Variants in SLC17A9 observed in about 807,000 individuals in gnomAD.
SLC17A9 encodes voltage-gated purine nucleotide uniporter SLC17A9.
Under a neutral mutation model 55.0 loss-of-function variants are expected in SLC17A9, and 49 were observed. The ratio of observed to expected loss-of-function variants is 0.89; its 90% CI spans 0.71 to 1.13. The LOEUF is 1.13. Among genes scored for constraint, SLC17A9 ranks in the 50% most tolerant of loss-of-function variants. The probability of loss-of-function intolerance (pLI) is 0.00; values close to 1 mark genes in which losing one functional copy is unlikely to be tolerated. For missense variants in SLC17A9, 526 were observed against 569.3 expected (o/e 0.92, Z 0.77); for synonymous variants, 256 against 247.4 (o/e 1.03, Z -0.32).
intron 3 of SLC17A9, among the ~76,000 whole-genome samples, chr20:62,957,947 G>A (rs962448820): frequency 3.3e-5 from 5 of 152,246 alleles, no homozygotes; most frequent in Middle Eastern, 3.4e-3. Context: ...CTGCAGACAC[G>A]TGTATGCAAG....
chr20:62,960,663 G>T, intron 4 of SLC17A9, 60 bp downstream of exon 4: 1 of 1,518,856 alleles, frequency 6.6e-7, no homozygotes. Context: ...CTTGCCGAGT[G>T]GCCCCTGGTC....
chr20:62,953,339 C>CT lies in SLC17A9; in HGVS notation c.59+451dup, dbSNP rs1199990514. ...GGGGGGTCCTGCCACCACGTGCCAG[C>CT]TGTGTGCTGAGGACGAGCTCCCCGC... On this transcript the variant is annotated intron_variant, in intron 1 of 12. Transcript: ENST00000370351. 2.0e-6 allele frequency: 3 copies of CT among 1,510,192 alleles called. No individual in the cohort carries two copies. In the African/African-American group the frequency reaches 4.1e-5, roughly 21 times the overall value. The allele number at this position is 1,510,192 out of a possible 1,614,324, so 93.5% of individuals were successfully genotyped here. A position where few individuals can be genotyped will look rare whatever the true frequency, so the allele number is the denominator to read the frequency against.
intron 4 of SLC17A9, among the ~76,000 whole-genome samples, 183 bp downstream of exon 4, chr20:62,960,786 G>A (rs1009957927): frequency 5.9e-5 from 9 of 152,276 alleles, no homozygotes; most frequent in Non-Finnish European, 1.2e-4. Flanking sequence ...CCAGCCCCGG[G>A]CACCGCGCTT....
chr20:62,955,892 C>CTG (rs2065532955), intron 1 of SLC17A9, among the ~76,000 whole-genome samples: 1 of 152,208 alleles, frequency 6.6e-6, no homozygotes, highest in Non-Finnish European at 1.5e-5. Flanking sequence ...CCAGTTGTCC[C>CTG]CAGAGTGGAA....
intron 1 of SLC17A9, among the ~76,000 whole-genome samples, chr20:62,955,252 A>G (rs2065526932): frequency 6.7e-6 from 1 of 150,094 alleles, no homozygotes; most frequent in Non-Finnish European, 1.5e-5. Context: ...GGTTCAAGCG[A>G]TTCTCCTGCC....
At chr20:62,955,129 G>GC (rs1555858309) in intron 1 of SLC17A9, among the ~76,000 whole-genome samples, 40 of 149,902 alleles carry the variant, frequency 2.7e-4, no homozygotes, top group African/African-American at 8.1e-4. Flanking sequence ...GCTAATTGTT[G>GC]TTTTTTTTTC....
At position 62,952,842 on chromosome 20, in the gene SLC17A9, C is replaced by T; in HGVS notation, c.12C>T (p.Pro4=). Residue 4 remains proline, a synonymous_variant, in exon 1 of 13, where the codon CCC becomes CCT. Transcript: ENST00000370351. ...GCACCCCAAGCCCGATGCAGCCACC[C>T]CCAGACGAGGCCCGCAGGGACATGG... MQP[P]PDEARRDMAG... 6.5e-7 allele frequency: 1 copy of T among 1,532,786 alleles called. No individual in the cohort carries two copies. The highest frequency in any genetic ancestry group is 8.7e-7 in the Non-Finnish European group (1 of 1,144,214). The allele number at this position is 1,532,786 out of a possible 1,614,324, so 94.9% of individuals were successfully genotyped here. A position where few individuals can be genotyped will look rare whatever the true frequency, so the allele number is the denominator to read the frequency against.
chr20:62,957,916 C>T (rs553665115), intron 3 of SLC17A9, among the ~76,000 whole-genome samples: 6 of 151,262 alleles, frequency 4.0e-5, no homozygotes, highest in Admixed American at 1.3e-4. Context: ...TGTGTGTGTG[C>T]GTGTGCAAGT....
In SLC17A9 at chr20:62,962,154, T is replaced by G. The variant is rs2065594255; in HGVS notation, c.498-470T>G. ...GGGACGGGATGGGGGTTGTTGGATTTGGCCGTCATGGTATTTTTGCATCCA... is the reference window on the plus strand; with the variant it reads ...GGGACGGGATGGGGGTTGTTGGATTGGGCCGTCATGGTATTTTTGCATCCA... On this transcript the variant is annotated intron_variant, in intron 4 of 12. Coordinates refer to ENST00000370351, the MANE Select transcript of SLC17A9 (RefSeq NM_022082.4). The surrounding 1 kb of genome is among the most constrained non-coding windows in gnomAD (Gnocchi z 5.5). The G allele has an allele frequency of 6.5e-6, 1 of 153,552 alleles. No homozygotes were observed. The highest frequency in any genetic ancestry group is 2.4e-5 in the African/African-American group (1 of 41,466). The allele number at this position is 153,552 out of a possible 1,614,324, so 9.5% of individuals were successfully genotyped here.
At position 62,963,284 on chromosome 20, in the gene SLC17A9, G is replaced by T. The variant is rs536053268; in HGVS notation, c.640G>T (p.Ala214Ser). Residue 214 changes from alanine (A) to serine (S), a missense_variant, in exon 6 of 13, where the codon GCC (alanine) becomes TCC (serine). Transcript: ENST00000370351. ...YLLSEKDLIL[A>S]LGVLAQSRPV... ...CGTTGCTCCCTCAGATCTCATCCTG[G>T]CCTTGGGTGTCCTGGCCCAAAGCCG... The T allele has an allele frequency of 2.7e-5, 43 of 1,613,524 alleles. No homozygotes were observed. Among genetic ancestry groups the T allele is most frequent in the Non-Finnish European group, 3.2e-5 (38 of 1,180,014 alleles).
Position 62,957,091 on chromosome 20 carries a change from A to C in SLC17A9, c.257+129A>C, listed in dbSNP as rs561910595. 47 of 1,355,744 alleles carry C rather than the reference A, an allele frequency of 3.5e-5. 1 individual carries two copies. In the South Asian group the frequency reaches 5.9e-4, roughly 17 times the overall value. The allele number at this position is 1,355,744 out of a possible 1,614,324, so 84.0% of individuals were successfully genotyped here. A position where few individuals can be genotyped will look rare whatever the true frequency, so the allele number is the denominator to read the frequency against. On this transcript the variant is annotated intron_variant, in intron 2 of 12. Transcript: ENST00000370351. Reference sequence around the variant, plus strand: ...CCTGGGGAAGGAGCTTGGTGGACACAGAGGATGCGACTCCTGGGGAAGGAG... The same window carrying C: ...CCTGGGGAAGGAGCTTGGTGGACACCGAGGATGCGACTCCTGGGGAAGGAG...
chr20:62,962,612 C>A lies in SLC17A9; in HGVS notation c.498-12C>A, dbSNP rs1299848125. ...GCTGAGGGGCCTGGCCACACTCCCC[C>A]TGTCTTTGCAGGACGCTGCTGACCG... On this transcript the variant is annotated splice_polypyrimidine_tract_variant and intron_variant, in intron 4 of 12. Transcript: ENST00000370351. This position sits in a 1 kb window ranked among gnomAD's most constrained non-coding sequence, Gnocchi z 5.5. The A allele has an allele frequency of 3.1e-6, 5 of 1,613,112 alleles. No homozygotes were observed. The Admixed American group carries it at 6.7e-5, about 22-fold the overall frequency.
chr20:62,953,278 G>A (rs1284262306), intron 1 of SLC17A9: 2 of 1,549,098 alleles, frequency 1.3e-6, no homozygotes, highest in Admixed American at 2.0e-5. Context: ...GCCAGGTAGG[G>A]GGCACGGGCT....
chr20:62,953,022 C>T, intron 1 of SLC17A9, 133 bp downstream of exon 1: 4 of 1,222,390 alleles, frequency 3.3e-6, no homozygotes, highest in Non-Finnish European at 1.1e-6. Flanking sequence ...GGCTGTGGGG[C>T]CCCCTGTGTT....
chr20:62,961,070 C>G (rs12480933), intron 4 of SLC17A9, among the ~76,000 whole-genome samples: 1,975 of 3,272 alleles, frequency 0.6, 922 homozygotes, highest in Admixed American at 0.67. Flanking sequence ...CTTGTCCTCA[C>G]GGTGGGCCTA....
At chr20:62,956,581 G>A (rs933748128) in intron 1 of SLC17A9, among the ~76,000 whole-genome samples, 184 bp from the exon 2 acceptor site, 1 of 152,190 alleles carries the variant, frequency 6.6e-6, no homozygotes, top group Admixed American at 6.5e-5. Context: ...GGCTGCCTGT[G>A]TTCTCCCAGG....
intron 12 of SLC17A9, chr20:62,967,028 T>C (rs1239052502): frequency 3.5e-6 from 2 of 572,202 alleles, no homozygotes; most frequent in Non-Finnish European, 6.1e-6. Flanking sequence ...CCATGGATGA[T>C]GGGGGTCCTT....
intron 5 of SLC17A9, 135 bp from the exon 6 acceptor site, chr20:62,963,138 G>C (rs1474447880): frequency 4.6e-6 from 4 of 872,886 alleles, no homozygotes; most frequent in Non-Finnish European, 5.4e-6. Context: ...AAGGGAGGCT[G>C]GCGCCCATGT....
chr20:62,963,205 C>A, intron 5 of SLC17A9, 68 bp from the exon 6 acceptor site: 1 of 1,531,986 alleles, frequency 6.5e-7, no homozygotes, highest in East Asian at 2.3e-5. Flanking sequence ...CCCAAATCCC[C>A]AATCCTTTGG....
Sources: allele counts gnomAD v4.1 joint callset (sites outside exome capture counted in the v4.1 genomes callset), GRCh38; gene constraint gnomAD v4.1.1; non-coding constraint Gnocchi (gnomAD v3.1); transcripts MANE v1.5; gene names NCBI Gene and HGNC (gene_info 2026-07-23, HGNC 2026-07-21).